The following CA6 variants were observed in gnomAD, a reference collection of about 807,000 sequenced individuals.
CA6 encodes the protein carbonate dehydratase VI.
Under a neutral mutation model 35.9 loss-of-function variants are expected in CA6, and 28 were observed. That is an observed-to-expected ratio of 0.78 (90% CI 0.58 to 1.07). The LOEUF (loss-of-function observed/expected upper bound fraction) is 1.07. Ranked by LOEUF, CA6 falls within the 50% of genes least tolerant of loss-of-function variation. The pLI, the probability that CA6 is intolerant of heterozygous loss-of-function variation, is 0.00. For missense variants in CA6, 377 were observed against 382.0 expected (o/e 0.99, Z 0.11); for synonymous variants, 148 against 152.6 (o/e 0.97, Z 0.22).
At position 8,945,965 on chromosome 1, in the gene CA6, G is replaced by A. The variant is rs770909718; in HGVS notation, c.79G>A (p.Glu27Lys). 1 of 1,609,674 alleles carries A rather than the reference G, an allele frequency of 6.2e-7. No homozygotes were observed. The highest frequency in any genetic ancestry group is 1.1e-5 in the South Asian group (1 of 90,994). ...GCATGTGTCTGACTGGACCTACTCA[G>A]GTGAGCCCCTAGCTTCTGCATGCTC... ...AQHVSDWTYSEGALDEAHWPQ... is the reference protein window; with the variant it reads ...AQHVSDWTYSKGALDEAHWPQ... Residue 27 changes from glutamate to lysine, a missense_variant and splice_region_variant, in exon 1 of 8, where the codon GAA becomes AAA. By Grantham distance (56) the Glu-to-Lys change is moderately conservative. Coordinates refer to ENST00000377443, the MANE Select transcript of CA6 (RefSeq NM_001215.4).
chr1:8,967,949 C>T, intron 6 of CA6, 133 bp downstream of exon 6: 1 of 652,692 alleles, frequency 1.5e-6, no homozygotes. Flanking sequence ...GCTACTGTGC[C>T]TCGTCTAGCC....
At chr1:8,946,080 C>T in intron 1 of CA6, 115 bp downstream of exon 1, 1 of 689,180 alleles carries the variant, frequency 1.5e-6, no homozygotes, top group Non-Finnish European at 2.5e-6. Context: ...CTCTGTTGCC[C>T]AGGCTTGAGT....
chr1:8,966,340 C>T (rs1028994752), intron 5 of CA6, among the ~76,000 whole-genome samples: 2 of 152,048 alleles, frequency 1.3e-5, no homozygotes, highest in Admixed American at 6.6e-5. Context: ...AAACTCCTGA[C>T]CTCAGGTGAT....
chr1:8,953,849 T>A (rs1293468391), intron 2 of CA6, among the ~76,000 whole-genome samples: 1 of 152,068 alleles, frequency 6.6e-6, no homozygotes, highest in African/African-American at 2.4e-5. Context: ...CAGGATGAGA[T>A]AGGAGGTTGG....
chr1:8,963,344 C>T lies in CA6; in HGVS notation c.571+688C>T, dbSNP rs1228319967. 1.3e-5 allele frequency among the ~76,000 whole-genome samples: 2 copies of T among 152,042 alleles called. No homozygotes were observed. Among genetic ancestry groups the T allele is most frequent in the Non-Finnish European group, 2.9e-5 (2 of 67,992 alleles). On this transcript the variant is annotated intron_variant, in intron 5 of 7. Coordinates refer to ENST00000377443, the MANE Select transcript of CA6 (RefSeq NM_001215.4). The surrounding 1 kb of genome is among the most constrained non-coding windows in gnomAD (Gnocchi z 4.1). The stretch of plus-strand genomic sequence containing the variant: ...TTCATCTCTCTCCCAGCTTAGATTC[C>T]ACCCCGATACTCTCAAGTCTCCCTC...
Position 8,959,504 on chromosome 1 carries a change from G to A in CA6, c.501+502G>A, listed in dbSNP as rs570796035. On this transcript the variant is annotated intron_variant, in intron 4 of 7. Transcript: ENST00000377443. Reference sequence around the variant, plus strand: ...TAATTTTTGTATTTTTAGTAGAGACGGGTTTCACTATGTTGACCAGGCTGG... The same window carrying A: ...TAATTTTTGTATTTTTAGTAGAGACAGGTTTCACTATGTTGACCAGGCTGG... 7.9e-5 allele frequency among the ~76,000 whole-genome samples: 12 copies of A among 151,834 alleles called. No homozygotes were observed. In the South Asian group the frequency reaches 1.2e-3, roughly 16 times the overall value.
intron 7 of CA6, 39 bp from the exon 8 acceptor site, chr1:8,974,583 C>T (rs1640217725): frequency 6.7e-7 from 1 of 1,496,428 alleles, no homozygotes; most frequent in African/African-American, 1.4e-5. Context: ...GAGGACTGTA[C>T]AAGGTTTAAC....
rs1271438910 is a variant in CA6, at chr1:8,957,255, C to A, written c.378C>A (p.His126Gln). Residue 126 changes from histidine to glutamine, a missense_variant, in exon 3 of 8, where the codon CAC becomes CAA. His to Gln is a conservative substitution (Grantham distance 24). Transcript: ENST00000377443. ...CCTCGGAGATCAGCGGCTCTGAGCA[C>A]ACCGTGGACGGGATCAGACATGTGA... ...GASSEISGSEHTVDGIRHVIE... is the reference protein window; with the variant it reads ...GASSEISGSEQTVDGIRHVIE... The A allele has an allele frequency of 3.7e-6, 6 of 1,613,850 alleles. No homozygotes were observed. The highest frequency in any genetic ancestry group is 5.1e-6 in the Non-Finnish European group (6 of 1,179,902).
At chr1:8,964,552 G>A (rs959673296) in intron 5 of CA6, among the ~76,000 whole-genome samples, 4 of 140,548 alleles carry the variant, frequency 2.8e-5, no homozygotes, top group Admixed American at 1.5e-4. Flanking sequence ...GGTCTGCATC[G>A]TTGATGTCTT....
At chr1:8,971,999 A>G (rs1317475656) in intron 7 of CA6, among the ~76,000 whole-genome samples, 1 of 152,140 alleles carries the variant, frequency 6.6e-6, no homozygotes. Context: ...ATATTTTCCA[A>G]TACAGTAGAA....
chr1:8,955,071 G>A (rs1016629132), intron 2 of CA6, among the ~76,000 whole-genome samples: 5 of 151,324 alleles, frequency 3.3e-5, no homozygotes, highest in African/African-American at 1.2e-4. Context: ...CCCAGGTGCC[G>A]GCACTGATCC....
At chr1:8,950,042 G>T (rs768345917) in intron 2 of CA6, among the ~76,000 whole-genome samples, 3 of 151,906 alleles carry the variant, frequency 2.0e-5, no homozygotes, top group Non-Finnish European at 2.9e-5. Flanking sequence ...TGCAGTGGCA[G>T]GATCTCAGCT....
chr1:8,961,747 A>G lies in CA6; in HGVS notation c.502-840A>G, dbSNP rs955172540. On this transcript the variant is annotated intron_variant, in intron 4 of 7. Transcript: ENST00000377443. ...GACTGAAAAGAGCCATTGAAAATAGACCTTTTTCACCCAAAGCAACTTTTC... is the reference window on the plus strand; with the variant it reads ...GACTGAAAAGAGCCATTGAAAATAGGCCTTTTTCACCCAAAGCAACTTTTC... Among the ~76,000 whole-genome samples the G allele has an allele frequency of 2.6e-5, 4 of 152,210 alleles. 1 individual carries two copies. The highest frequency in any genetic ancestry group is 2.0e-4 in the Admixed American group (3 of 15,276).
intron 2 of CA6, 45 bp from the exon 3 acceptor site, chr1:8,957,092 T>C (rs778297527): frequency 6.5e-6 from 10 of 1,534,218 alleles, no homozygotes; most frequent in Non-Finnish European, 8.8e-6. Context: ...GCCTGACCCC[T>C]CTGTGTTCAC....
chr1:8,958,885 G>A, intron 3 of CA6, 25 bp from the exon 4 acceptor site: 1 of 1,298,190 alleles, frequency 7.7e-7, no homozygotes, highest in South Asian at 1.2e-5. Flanking sequence ...AACTGCCCTT[G>A]ACCCACTCTA....
chr1:8,965,011 A>AGGCGGG (rs1639933670), intron 5 of CA6, among the ~76,000 whole-genome samples: 2 of 152,112 alleles, frequency 1.3e-5, no homozygotes, highest in South Asian at 4.1e-4. Context: ...TGGGAGGCGG[A>AGGCGGG]GGCGGGCTGA....
chr1:8,946,109 C>A, intron 1 of CA6, 144 bp downstream of exon 1: 1 of 598,674 alleles, frequency 1.7e-6, no homozygotes, highest in Middle Eastern at 4.5e-4. Flanking sequence ...GTGATGTTGG[C>A]TCACTGCAAC....
intron 2 of CA6, among the ~76,000 whole-genome samples, chr1:8,955,656 G>T (rs377717026): frequency 2.0e-5 from 3 of 152,096 alleles, no homozygotes; most frequent in Non-Finnish European, 4.4e-5. Flanking sequence ...TCCTTTTAAG[G>T]CCCTTCCGTC....
chr1:8,961,325 A>G (rs147295695), intron 4 of CA6, among the ~76,000 whole-genome samples: 3 of 152,324 alleles, frequency 2.0e-5, no homozygotes, highest in African/African-American at 7.2e-5. Context: ...TTCTTCTTTT[A>G]ATTTCTTTTT....
Sources: allele counts gnomAD v4.1 joint callset (sites outside exome capture counted in the v4.1 genomes callset), GRCh38; gene constraint gnomAD v4.1.1; non-coding constraint Gnocchi (gnomAD v3.1); transcripts MANE v1.5; gene names NCBI Gene and HGNC (gene_info 2026-07-23, HGNC 2026-07-21).